Variants in PATJ observed in about 807,000 individuals in gnomAD.
PATJ encodes the protein inaD-like protein.
A neutral mutation model predicts 224.9 loss-of-function variants in PATJ; 190 were observed. That is an observed-to-expected ratio of 0.84 (90% CI 0.75 to 0.95). The LOEUF (loss-of-function observed/expected upper bound fraction) is 0.95, where lower values mean the gene tolerates loss of function less well. Ranked by LOEUF, PATJ falls within the 40% of genes least tolerant of loss-of-function variation. The pLI, the probability that PATJ is intolerant of heterozygous loss-of-function variation, is 0.00. For missense variants in PATJ, 2,121 were observed against 2,270.3 expected (o/e 0.93, Z 1.34); for synonymous variants, 769 against 820.3 (o/e 0.94, Z 1.07).
intron 33 of PATJ, among the ~76,000 whole-genome samples, chr1:62,087,686 T>C (rs1660189139): frequency 6.6e-6 from 1 of 151,608 alleles, no homozygotes; most frequent in Admixed American, 6.6e-5. Flanking sequence ...CCCACCCTGC[T>C]AGTGAACCAC....
rs182582824 is a variant in PATJ at position 61,990,278 on chromosome 1, C to T, written c.3781C>T (p.Arg1261Cys). The T allele has an allele frequency of 1.2e-4, 189 of 1,613,954 alleles. No homozygotes were observed. In the South Asian group the frequency reaches 1.3e-3, roughly 11 times the overall value. ...CCTTGCTGGTAATAAAGACCGATCACGCATGAGCATATTTGTGGTGGGAAT... is the reference window on the plus strand; with the variant it reads ...CCTTGCTGGTAATAAAGACCGATCATGCATGAGCATATTTGTGGTGGGAAT... ...LSLAGNKDRS[R>C]MSIFVVGINP... The change falls in exon 28 of 44, where the codon CGC (arginine) becomes TGC (cysteine). Residue 1261 changes from arginine to cysteine, a missense_variant. Arg to Cys is a radical substitution (Grantham distance 180). Coordinates refer to ENST00000642238, the MANE Select transcript of PATJ (RefSeq NM_001350145.3).
At chr1:61,943,731 G>C (rs1414601084) in intron 27 of PATJ, among the ~76,000 whole-genome samples, 2 of 152,210 alleles carry the variant, frequency 1.3e-5, no homozygotes, top group Non-Finnish European at 1.5e-5. Flanking sequence ...GCTTTGAAGA[G>C]AGTAGTGGTT....
chr1:62,155,542 C>T (rs2149056662), intron 43 of PATJ, among the ~76,000 whole-genome samples: 1 of 152,252 alleles, frequency 6.6e-6, no homozygotes, highest in African/African-American at 2.4e-5. Flanking sequence ...CTGTGGCTCA[C>T]ACAGAATGCC....
At chr1:61,791,569 A>G in intron 9 of PATJ, 122 bp downstream of exon 9, 1 of 560,260 alleles carries the variant, frequency 1.8e-6, no homozygotes. Flanking sequence ...ATGAGTCTAT[A>G]CTAGCAAGCA....
chr1:62,026,098 A>T lies in PATJ; in HGVS notation c.3959+8151A>T, dbSNP rs1029065231. On this transcript the variant is annotated intron_variant, in intron 29 of 43. Coordinates refer to ENST00000642238, the MANE Select transcript of PATJ (RefSeq NM_001350145.3). ...AAGGGCCAAGTAAATAGAACTCATT[A>T]TTCCACTGTCAATGGACTTTTATTT... Among the ~76,000 whole-genome samples, 12 of 152,320 alleles carry T rather than the reference A, an allele frequency of 7.9e-5. No homozygotes were observed. The South Asian group carries it at 2.3e-3, about 29-fold the overall frequency.
At chr1:61,852,460 G>A (rs1178310693) in intron 17 of PATJ, 1 of 152,142 alleles carries the variant, frequency 6.6e-6, no homozygotes, top group African/African-American at 2.4e-5. Flanking sequence ...TTTTTAGTAG[G>A]AAGACAGTTA....
chr1:61,898,835 G>A (rs1670726683), intron 22 of PATJ, among the ~76,000 whole-genome samples: 1 of 152,096 alleles, frequency 6.6e-6, no homozygotes, highest in Admixed American at 6.6e-5. Context: ...CACCTAGTAT[G>A]AAGTGCAGTG....
rs374158304 is a variant in PATJ, at chr1:61,748,535, C to T, written c.-36+5980C>T. The stretch of plus-strand genomic sequence containing the variant: ...CCTCCCAAAGTGCTGTGATTACAGG[C>T]GTGAGCCACTGCGCCTGGCCATGTA... On this transcript the variant is annotated intron_variant, in intron 1 of 43. Coordinates refer to ENST00000642238, the MANE Select transcript of PATJ (RefSeq NM_001350145.3). Among the ~76,000 whole-genome samples the T allele has an allele frequency of 1.4e-3, 206 of 152,030 alleles. 1 individual carries two copies. Among genetic ancestry groups the T allele is most frequent in the African/African-American group, 4.6e-3 (192 of 41,476 alleles).
chr1:61,798,352 C>T (rs1651780760), intron 11 of PATJ, among the ~76,000 whole-genome samples: 2 of 151,930 alleles, frequency 1.3e-5, no homozygotes, highest in South Asian at 2.1e-4. Flanking sequence ...CACCACCATA[C>T]CCAGATAATT....
rs199793464 is a variant in PATJ, at chr1:62,162,630, TG to T, written c.*1578del. The T allele has an allele frequency of 9.6e-3, 1,465 of 152,356 alleles. 24 individuals carry two copies. Among genetic ancestry groups the T allele is most frequent in the African/African-American group, 0.034 (1,400 of 41,554 alleles). The allele number at this position is 152,356 out of a possible 1,614,324, so 9.4% of individuals were successfully genotyped here. On this transcript the variant is annotated 3_prime_UTR_variant, in exon 44 of 44. Transcript: ENST00000642238. The stretch of plus-strand genomic sequence containing the variant: ...AGAAAAAGGGAGAGATGCTTACTGG[TG>T]GATGCTATAGAGTCCTCTGTTTTTA...
At chr1:62,074,099 A>G (rs1300531287) in intron 31 of PATJ, among the ~76,000 whole-genome samples, 1 of 151,886 alleles carries the variant, frequency 6.6e-6, no homozygotes, top group Admixed American at 6.6e-5. Context: ...TATATTTAAG[A>G]AACTATAGAT....
At chr1:61,856,299 A>G in intron 18 of PATJ, 60 bp downstream of exon 18, 3 of 1,386,394 alleles carry the variant, frequency 2.2e-6, no homozygotes, top group Non-Finnish European at 3.1e-6. Context: ...AAAAACATGG[A>G]TTTTGGAGAC....
chr1:61,984,164 ATT>A (rs779439336), intron 27 of PATJ, among the ~76,000 whole-genome samples: 3,233 of 132,096 alleles, frequency 0.024, 154 homozygotes, highest in African/African-American at 0.09. Flanking sequence ...TATTATTATT[ATT>A]TTTTTTTTTT....
intron 33 of PATJ, among the ~76,000 whole-genome samples, chr1:62,087,133 A>C (rs1388704967): frequency 1.3e-5 from 2 of 151,944 alleles, no homozygotes; most frequent in African/African-American, 4.8e-5. Flanking sequence ...GGTTGCACAG[A>C]CACTTGAAGG....
intron 26 of PATJ, among the ~76,000 whole-genome samples, chr1:61,915,387 C>T (rs375146704): frequency 5.9e-5 from 9 of 152,250 alleles, no homozygotes; most frequent in East Asian, 5.8e-4. Flanking sequence ...GCTGCACTGA[C>T]GGAATTATTA....
chr1:61,790,406 T>C (rs1443586694), intron 8 of PATJ, among the ~76,000 whole-genome samples: 1 of 152,030 alleles, frequency 6.6e-6, no homozygotes, highest in Non-Finnish European at 1.5e-5. Context: ...TTTAAAACAA[T>C]ATCCTTTGTT....
At chr1:61,903,848 C>G (rs1198320938) in intron 24 of PATJ, among the ~76,000 whole-genome samples, 3 of 150,356 alleles carry the variant, frequency 2.0e-5, no homozygotes, top group Middle Eastern at 3.4e-3. Flanking sequence ...TCTCAGCTCA[C>G]TGCAACCTCC....
chr1:62,156,542 T>A (rs1269672846), intron 43 of PATJ, among the ~76,000 whole-genome samples: 2 of 147,774 alleles, frequency 1.4e-5, no homozygotes, highest in Non-Finnish European at 3.0e-5. Flanking sequence ...AAAAAAAACC[T>A]CCAATGTAAA....
chr1:61,844,557 A>G (rs1661620198), intron 17 of PATJ, among the ~76,000 whole-genome samples: 2 of 152,178 alleles, frequency 1.3e-5, no homozygotes, highest in South Asian at 2.1e-4. Flanking sequence ...CCATATTCAC[A>G]TAAATTTTAT....
Sources: allele counts gnomAD v4.1 joint callset (sites outside exome capture counted in the v4.1 genomes callset), GRCh38; gene constraint gnomAD v4.1.1; transcripts MANE v1.5; gene names NCBI Gene and HGNC (gene_info 2026-07-23, HGNC 2026-07-21).